GALNT14: variants seen among roughly 807,000 people sequenced by gnomAD.
GALNT14 encodes the protein polypeptide N-acetylgalactosaminyltransferase 14.
In GALNT14, 60 loss-of-function variants were observed where a neutral mutation model predicts 77.5. That is an observed-to-expected ratio of 0.77 (90% CI 0.63 to 0.96). GALNT14 has a LOEUF of 0.96. Ranked by LOEUF, GALNT14 falls within the 40% of genes least tolerant of loss-of-function variation. GALNT14 has a pLI of 0.00. For missense variants in GALNT14, 710 were observed against 731.0 expected (o/e 0.97, Z 0.33); for synonymous variants, 280 against 281.7 (o/e 0.99, Z 0.06).
chr2:31,119,522 C>A lies in GALNT14; in HGVS notation c.129+18436G>T, dbSNP rs78343193. Among the ~76,000 whole-genome samples the A allele has an allele frequency of 7.9e-3, 1,196 of 152,270 alleles. 20 individuals carry two copies. Among genetic ancestry groups the A allele is most frequent in the African/African-American group, 0.028 (1,157 of 41,554 alleles). On this transcript the variant is annotated intron_variant, in intron 1 of 14. Transcript: ENST00000349752. ...TTACAATTGGATCCCGTTTCATACTCTTTAGGTTGGCAAAACGAAAATGAC... is the reference window on the plus strand; with the variant it reads ...TTACAATTGGATCCCGTTTCATACTATTTAGGTTGGCAAAACGAAAATGAC...
At chr2:30,929,779 G>T (rs571478815) in intron 10 of GALNT14, among the ~76,000 whole-genome samples, 1 of 152,304 alleles carries the variant, frequency 6.6e-6, no homozygotes, top group African/African-American at 2.4e-5. Context: ...TTTAAATTTG[G>T]AATATTTGCA....
At chr2:31,004,433 C>T (rs1229663310) in intron 1 of GALNT14, among the ~76,000 whole-genome samples, 1 of 152,196 alleles carries the variant, frequency 6.6e-6, no homozygotes, top group Non-Finnish European at 1.5e-5. Flanking sequence ...CTGGAAGTGA[C>T]TCAGAGAGGG....
intron 1 of GALNT14, among the ~76,000 whole-genome samples, chr2:31,038,551 G>C (rs1259589623): frequency 1.3e-5 from 2 of 151,980 alleles, no homozygotes; most frequent in Admixed American, 6.5e-5. Context: ...ATGGAGTTTG[G>C]CGTTGGCCGG....
intron 1 of GALNT14, among the ~76,000 whole-genome samples, chr2:31,076,630 TTTTTTTTTTTTTTAC>T (rs1675814701): frequency 1.1e-5 from 1 of 87,242 alleles, no homozygotes; most frequent in African/African-American, 5.0e-5. Context: ...TATATATATA[TTTTTTTTTTTTTTAC>T]ATGTACATAT....
intron 1 of GALNT14, among the ~76,000 whole-genome samples, chr2:31,045,416 G>A (rs1673378425): frequency 1.3e-5 from 2 of 152,118 alleles, no homozygotes; most frequent in South Asian, 4.2e-4. Context: ...AAAAGATAAG[G>A]ATGGACCCAG....
chr2:30,920,143 T>G (rs1664943447), intron 13 of GALNT14, among the ~76,000 whole-genome samples: 1 of 152,148 alleles, frequency 6.6e-6, no homozygotes, highest in Non-Finnish European at 1.5e-5. Flanking sequence ...CAGCCCTGAC[T>G]CTCCAGCATC....
chr2:31,057,195 TGG>T lies in GALNT14; in HGVS notation c.130-64190_130-64189del, dbSNP rs145320751. 7.7e-3 allele frequency among the ~76,000 whole-genome samples: 1,173 copies of T among 151,556 alleles called. 15 individuals carry two copies. Among genetic ancestry groups the T allele is most frequent in the African/African-American group, 0.026 (1,087 of 41,264 alleles). On this transcript the variant is annotated intron_variant, in intron 1 of 14. Coordinates refer to ENST00000349752, the MANE Select transcript of GALNT14 (RefSeq NM_024572.4). ...ACTATTCGGTACTATGCTCATTACC[TGG>T]GTGATGGAATCATTTGTATCCCAAA...
the GALNT14 span, among the ~76,000 whole-genome samples, chr2:30,896,087 G>C: frequency 6.6e-6 from 1 of 152,112 alleles, no homozygotes; most frequent in African/African-American, 2.4e-5. Flanking sequence ...CTGGAATACT[G>C]CTCGCAGTAA....
At chr2:30,952,306 C>T (rs1040092018) in intron 6 of GALNT14, among the ~76,000 whole-genome samples, 1 of 152,118 alleles carries the variant, frequency 6.6e-6, no homozygotes, top group African/African-American at 2.4e-5. Flanking sequence ...AAGACACATG[C>T]ACACGTATGT....
intron 2 of GALNT14, among the ~76,000 whole-genome samples, chr2:30,969,307 T>C (rs1251772631): frequency 6.6e-6 from 1 of 152,172 alleles, no homozygotes; most frequent in Non-Finnish European, 1.5e-5. Context: ...CTGAAATCCC[T>C]CATGGGGTTA....
chr2:31,057,209 A>G (rs1674268755), intron 1 of GALNT14, among the ~76,000 whole-genome samples: 1 of 151,166 alleles, frequency 6.6e-6, no homozygotes, highest in Admixed American at 6.6e-5. Flanking sequence ...TGATGGAATC[A>G]TTTGTATCCC....
chr2:31,026,407 T>C (rs991450594), intron 1 of GALNT14, among the ~76,000 whole-genome samples: 1 of 152,180 alleles, frequency 6.6e-6, no homozygotes, highest in Admixed American at 6.5e-5. Flanking sequence ...ACCCTCCTGT[T>C]GCTTTTAATT....
At chr2:30,887,373 C>T in the GALNT14 span, among the ~76,000 whole-genome samples, 1 of 152,114 alleles carries the variant, frequency 6.6e-6, no homozygotes, top group Non-Finnish European at 1.5e-5. Flanking sequence ...CATATCCTTG[C>T]TAATAATTAT....
At chr2:31,079,913 G>C (rs930816815) in intron 1 of GALNT14, among the ~76,000 whole-genome samples, 1 of 152,164 alleles carries the variant, frequency 6.6e-6, no homozygotes, top group Non-Finnish European at 1.5e-5. Flanking sequence ...GGAAGGCAAG[G>C]GCTGGACACT....
intron 1 of GALNT14, among the ~76,000 whole-genome samples, chr2:31,030,718 C>G (rs1157608052): frequency 6.6e-6 from 1 of 152,172 alleles, no homozygotes; most frequent in Non-Finnish European, 1.5e-5. Context: ...ACAGGCTTCT[C>G]CCTGGTGGAT....
chr2:31,021,398 G>T (rs1201864538), intron 1 of GALNT14, among the ~76,000 whole-genome samples: 1 of 151,488 alleles, frequency 6.6e-6, no homozygotes, highest in Non-Finnish European at 1.5e-5. Flanking sequence ...TCCGCCTCCT[G>T]GGTTCAAGCA....
At chr2:31,025,762 A>C (rs1301199094) in intron 1 of GALNT14, among the ~76,000 whole-genome samples, 2 of 152,232 alleles carry the variant, frequency 1.3e-5, no homozygotes, top group Non-Finnish European at 2.9e-5. Context: ...AGATTTAAAC[A>C]AAGTGGCTCA....
At chr2:31,018,904 A>G (rs1671546770) in intron 1 of GALNT14, among the ~76,000 whole-genome samples, 1 of 152,102 alleles carries the variant, frequency 6.6e-6, no homozygotes, top group African/African-American at 2.4e-5. Context: ...GAGCACAGAG[A>G]GCTTCTCAGT....
intron 1 of GALNT14, among the ~76,000 whole-genome samples, chr2:31,075,117 G>A (rs1675677856): frequency 1.3e-5 from 2 of 152,200 alleles, no homozygotes; most frequent in South Asian, 2.1e-4. Context: ...CACAAGATCT[G>A]GTTGTTTAAA....
Sources: allele counts gnomAD v4.1 joint callset (sites outside exome capture counted in the v4.1 genomes callset), GRCh38; gene constraint gnomAD v4.1.1; transcripts MANE v1.5; gene names NCBI Gene and HGNC (gene_info 2026-07-23, HGNC 2026-07-21).